RGS3: variants seen among roughly 807,000 people sequenced by gnomAD.
RGS3 encodes regulator of G protein signaling 3.
In RGS3, 80 loss-of-function variants were observed where a neutral mutation model predicts 132.6. The ratio of observed to expected loss-of-function variants is 0.60; its 90% confidence interval spans 0.50 to 0.73. The LOEUF (loss-of-function observed/expected upper bound fraction) is 0.73. Ranked by LOEUF, RGS3 falls within the 30% of genes least tolerant of loss-of-function variation. The pLI is 0.00. For synonymous variants in RGS3, 598 were observed against 620.6 expected (o/e 0.96, Z 0.54); for missense variants, 1,382 against 1,530.8 (o/e 0.90, Z 1.62).
At chr9:113,490,419 T>C (rs2119251900) in intron 7 of RGS3, among the ~76,000 whole-genome samples, 1 of 152,062 alleles carries the variant, frequency 6.6e-6, no homozygotes. Flanking sequence ...AAAATCATGA[T>C]GACATTATCA....
At chr9:113,472,217 A>G (rs776838574) in intron 3 of RGS3, among the ~76,000 whole-genome samples, 3 of 152,216 alleles carry the variant, frequency 2.0e-5, no homozygotes, top group Non-Finnish European at 4.4e-5. Context: ...GGTTCCTCAA[A>G]CAATTAAATG....
At chr9:113,455,965 G>GC (rs1554752757), upstream of RGS3, among the ~76,000 whole-genome samples, 3 of 152,022 alleles carry the variant, frequency 2.0e-5, no homozygotes, top group Non-Finnish European at 4.4e-5. Context: ...TGAAGTTGTT[G>GC]CCCCCCAGCA....
At chr9:113,466,814 A>G (rs1325402117) in intron 3 of RGS3, among the ~76,000 whole-genome samples, 1 of 152,228 alleles carries the variant, frequency 6.6e-6, no homozygotes, top group Non-Finnish European at 1.5e-5. Context: ...ATGTGTAACT[A>G]TTATCACAAT....
At chr9:113,489,752 A>G (rs991927902) in intron 7 of RGS3, among the ~76,000 whole-genome samples, 33 of 151,018 alleles carry the variant, frequency 2.2e-4, no homozygotes, top group Admixed American at 2.0e-3. Flanking sequence ...CTGGTCTCCA[A>G]CTCCTGGCTG....
At chr9:113,552,293 T>TC (rs1202055451) in intron 19 of RGS3, among the ~76,000 whole-genome samples, 1 of 152,150 alleles carries the variant, frequency 6.6e-6, no homozygotes, top group Non-Finnish European at 1.5e-5. Flanking sequence ...AAAAATTATT[T>TC]CCCCCCTCTT....
At chr9:113,481,160 T>C (rs1340681695) in intron 4 of RGS3, among the ~76,000 whole-genome samples, 1 of 152,206 alleles carries the variant, frequency 6.6e-6, no homozygotes, top group Non-Finnish European at 1.5e-5. Context: ...GAAGGGTCAT[T>C]TTGCCTTATT....
intron 3 of RGS3, among the ~76,000 whole-genome samples, chr9:113,472,264 G>C (rs879877984): frequency 3.3e-5 from 5 of 152,210 alleles, no homozygotes; most frequent in Admixed American, 3.3e-4. Context: ...CCACTCTTAG[G>C]TATAAATCCA....
At chr9:113,499,072 C>G (rs575585045) in intron 10 of RGS3, among the ~76,000 whole-genome samples, 1 of 150,208 alleles carries the variant, frequency 6.7e-6, no homozygotes, top group East Asian at 2.0e-4. Context: ...ACTAAAAATA[C>G]AAAAATTAGC....
chr9:113,557,426 C>A (rs1322549799), intron 19 of RGS3, among the ~76,000 whole-genome samples: 1 of 152,234 alleles, frequency 6.6e-6, no homozygotes, highest in Non-Finnish European at 1.5e-5. Context: ...GATCACGTGC[C>A]CATTCCAGCC....
chr9:113,478,463 C>T (rs1282853301), intron 3 of RGS3, among the ~76,000 whole-genome samples: 15 of 152,138 alleles, frequency 9.9e-5, no homozygotes, highest in Non-Finnish European at 5.9e-5. Flanking sequence ...ACCCTCCCTC[C>T]CCCGCCAGAT....
In RGS3 at chr9:113,582,052, G is replaced by A. The variant is rs185732442; in HGVS notation, c.2038-1398G>A. On this transcript the variant is annotated intron_variant, in intron 19 of 24. Transcript: ENST00000350696. ...TTACCCGTGCCGAGCTTTCACATCCGCTCACATCTGTGCTCCCAGATGCCA... is the reference window on the plus strand; with the variant it reads ...TTACCCGTGCCGAGCTTTCACATCCACTCACATCTGTGCTCCCAGATGCCA... 187 of 985,334 alleles carry A rather than the reference G, an allele frequency of 1.9e-4. 1 individual carries two copies. The South Asian group carries it at 7.3e-3, about 38-fold the overall frequency. 61.0% of individuals were successfully genotyped at this position (985,334 alleles called of 1,614,324 possible).
At chr9:113,596,855 A>G (rs762156777) in exon 25 of RGS3, 5 of 1,613,866 alleles carry the variant, frequency 3.1e-6, no homozygotes, top group Non-Finnish European at 4.2e-6. Context: ...ACAGAAGCGC[A>G]TCTTCGGGCT....
intron 3 of RGS3, among the ~76,000 whole-genome samples, chr9:113,462,981 C>T (rs1829512325): frequency 6.6e-6 from 1 of 152,220 alleles, no homozygotes; most frequent in Admixed American, 6.5e-5. Flanking sequence ...TAAATGTTTG[C>T]TGACAAAGCA....
intron 4 of RGS3, among the ~76,000 whole-genome samples, chr9:113,481,597 C>T (rs1830159911): frequency 6.6e-6 from 1 of 152,220 alleles, no homozygotes; most frequent in African/African-American, 2.4e-5. Context: ...TTGGCCTCCA[C>T]CACTCCATTT....
chr9:113,505,906 T>C (rs1223982324), intron 11 of RGS3, among the ~76,000 whole-genome samples: 1 of 152,178 alleles, frequency 6.6e-6, no homozygotes, highest in Non-Finnish European at 1.5e-5. Flanking sequence ...TCCCTACTTT[T>C]CACAAATGAA....
chr9:113,576,830 A>G (rs191069263), intron 19 of RGS3, among the ~76,000 whole-genome samples: 6 of 152,352 alleles, frequency 3.9e-5, no homozygotes, highest in Non-Finnish European at 5.9e-5. Flanking sequence ...CTCCCCTGAC[A>G]TAGCACAGAG....
Position 113,475,375 on chromosome 9 carries a change from G to T in RGS3, c.416-4116G>T, listed in dbSNP as rs561944312. Among the ~76,000 whole-genome samples, 5 of 152,250 alleles carry T rather than the reference G, an allele frequency of 3.3e-5. No homozygotes were observed. In the South Asian group the frequency reaches 6.2e-4, roughly 19 times the overall value. On this transcript the variant is annotated intron_variant, in intron 3 of 24. Coordinates refer to ENST00000350696, the Ensembl canonical transcript of RGS3. ...ATGGGGAGTGTTGAAAAAAACAGAG[G>T]TGTAGGAGCAAGAATATTATTGGGA...
At chr9:113,451,122 G>A (rs1682009607) in intron 1 of RGS3, among the ~76,000 whole-genome samples, 1 of 148,696 alleles carries the variant, frequency 6.7e-6, no homozygotes, top group African/African-American at 2.5e-5. Context: ...AGCTTGCAGT[G>A]AGCCGAGATC....
chr9:113,497,184 A>G (rs902248515), intron 8 of RGS3, 130 bp from the exon 7 acceptor site: 10 of 681,876 alleles, frequency 1.5e-5, no homozygotes, highest in Non-Finnish European at 2.3e-5. Flanking sequence ...GCTCGGGGCC[A>G]GGAAGGCTGG....
Sources: gnomAD v4.1 joint callset for allele counts (sites outside exome capture counted in the v4.1 genomes callset) on GRCh38, gnomAD v4.1.1 for gene constraint, MANE v1.5 for transcripts, NCBI Gene and HGNC (gene_info 2026-07-23, HGNC 2026-07-21) for gene names.